The following DOCK10 variants were observed in gnomAD, a reference collection of about 807,000 sequenced individuals.
The protein encoded by DOCK10 is dedicator of cytokinesis protein 10.
DOCK10 carries 145 observed loss-of-function variants against 280.1 expected under a neutral mutation model. The ratio of observed to expected loss-of-function variants is 0.52; its 90% CI spans 0.45 to 0.59. The LOEUF (loss-of-function observed/expected upper bound fraction) is 0.59. Ranked by LOEUF, DOCK10 falls within the 20% of genes least tolerant of loss-of-function variation. The pLI, the probability that DOCK10 is intolerant of heterozygous loss-of-function variation, is 0.00. For missense variants in DOCK10, 2,368 were observed against 2,651.7 expected (o/e 0.89, Z 2.35); for synonymous variants, 915 against 942.2 (o/e 0.97, Z 0.53).
chr2:224,959,076 C>A (rs372028934), intron 1 of DOCK10, among the ~76,000 whole-genome samples: 29 of 152,336 alleles, frequency 1.9e-4, no homozygotes, highest in African/African-American at 6.5e-4. Flanking sequence ...CATTAGGGAA[C>A]ATATTTTCAG....
In DOCK10 at chr2:224,770,164, G is replaced by A; in HGVS notation, c.6444+47C>T. On this transcript the variant is annotated intron_variant, in intron 55 of 55. Transcript: ENST00000258390. The surrounding 1 kb of genome is among the most constrained non-coding windows in gnomAD (Gnocchi z 4.5). ...TGTCCTTCTGGCATTGGGAGCGAAA[G>A]GGACTTTCTGTCCACTGATAGCGCG... The A allele has an allele frequency of 6.9e-7, 1 of 1,454,994 alleles. No individual in the cohort carries two copies. The highest frequency in any genetic ancestry group is 2.1e-4 in the Middle Eastern group (1 of 4,682). 90.1% of individuals were successfully genotyped at this position (1,454,994 alleles called of 1,614,324 possible).
At chr2:224,888,764 GTGTA>G (rs910442704) in intron 4 of DOCK10, among the ~76,000 whole-genome samples, 3 of 151,654 alleles carry the variant, frequency 2.0e-5, no homozygotes, top group Non-Finnish European at 2.9e-5. Context: ...GAATATATAT[GTGTA>G]TGTATGTGTG....
chr2:224,886,894 C>G (rs537319390), intron 4 of DOCK10, among the ~76,000 whole-genome samples: 9 of 134,644 alleles, frequency 6.7e-5, no homozygotes, highest in East Asian at 2.1e-4. Flanking sequence ...CAACACCCCC[C>G]CAAGTAGTAC....
At chr2:224,785,501 G>A (rs1691670549) in intron 50 of DOCK10, among the ~76,000 whole-genome samples, 1 of 151,940 alleles carries the variant, frequency 6.6e-6, no homozygotes, top group Non-Finnish European at 1.5e-5. Context: ...TTCTTTCTTT[G>A]ATGGAGTCTC....
At chr2:224,801,387 G>A (rs1241324493) in intron 40 of DOCK10, among the ~76,000 whole-genome samples, 1 of 151,590 alleles carries the variant, frequency 6.6e-6, no homozygotes, top group Admixed American at 6.6e-5. Flanking sequence ...AGTAAGCCAT[G>A]TTATATAGGG....
intron 48 of DOCK10, among the ~76,000 whole-genome samples, chr2:224,788,434 G>C (rs1046577191): frequency 1.4e-4 from 21 of 152,008 alleles, no homozygotes; most frequent in Non-Finnish European, 3.1e-4. Flanking sequence ...TATTTACTTC[G>C]TTTATTTGCA....
intron 27 of DOCK10, among the ~76,000 whole-genome samples, chr2:224,828,210 C>A (rs56837462): frequency 0.19 from 28,466 of 152,098 alleles, 4,214 homozygotes; most frequent in African/African-American, 0.42. Flanking sequence ...AATTAGCTAT[C>A]ATGTACCACC....
chr2:224,778,674 A>G (rs1691056304), intron 50 of DOCK10, among the ~76,000 whole-genome samples: 1 of 152,224 alleles, frequency 6.6e-6, no homozygotes, highest in Non-Finnish European at 1.5e-5. Context: ...AGTCAGTATC[A>G]TTTTTAATAA....
intron 3 of DOCK10, among the ~76,000 whole-genome samples, chr2:224,912,267 C>T (rs1701060442): frequency 6.6e-6 from 1 of 151,922 alleles, no homozygotes; most frequent in Non-Finnish European, 1.5e-5. Flanking sequence ...TCCCAAATAG[C>T]TGGGATTACA....
intron 1 of DOCK10, among the ~76,000 whole-genome samples, chr2:224,974,832 T>A (rs1378968656): frequency 3.0e-5 from 4 of 132,858 alleles, no homozygotes; most frequent in South Asian, 2.3e-4. Context: ...ATATATATAT[T>A]ATATATAACA....
intron 1 of DOCK10, among the ~76,000 whole-genome samples, chr2:225,018,718 C>A (rs1375975329): frequency 8.8e-6 from 1 of 113,860 alleles, no homozygotes; most frequent in African/African-American, 3.7e-5. Flanking sequence ...TAGGCCTTTC[C>A]AAGATTTCAT....
At chr2:224,898,546 T>C (rs1195920547) in intron 3 of DOCK10, among the ~76,000 whole-genome samples, 1 of 152,242 alleles carries the variant, frequency 6.6e-6, no homozygotes, top group African/African-American at 2.4e-5. Context: ...GAGCCAATTC[T>C]GCAAAGCACG....
intron 33 of DOCK10, 178 bp downstream of exon 33, chr2:224,807,490 G>A (rs1420952131): frequency 4.0e-6 from 2 of 497,286 alleles, no homozygotes; most frequent in African/African-American, 3.9e-5. Context: ...GGATCAGGTG[G>A]AGGCTAAAGG....
Position 224,839,954 on chromosome 2 carries a change from CTGG to C in DOCK10, c.2777_2779del (p.Thr926del), listed in dbSNP as rs763467784. The C allele has an allele frequency of 6.5e-5, 93 of 1,436,060 alleles. No homozygotes were observed. In the African/African-American group the frequency reaches 1.1e-3, roughly 17 times the overall value. 89.0% of individuals were successfully genotyped at this position (1,436,060 alleles called of 1,614,324 possible). On this transcript the variant is annotated inframe_deletion and splice_region_variant, in exon 24 of 56. Transcript: ENST00000258390. ...CCTCTTAAGGTTGTGTTATGGATAC[CTGG>C]TGACAGTTGTAGTTATTTCATCTTC...
rs1033536469 is a variant in DOCK10 at position 224,864,749 on chromosome 2, A to T, written c.1480-74T>A. The T allele has an allele frequency of 1.1e-5, 17 of 1,574,144 alleles. 1 individual carries two copies. The African/African-American group carries it at 1.9e-4, about 18-fold the overall frequency. ...GACATTTACAAAATTCCATTTTTTT[A>T]AAAAAGGACAGCTTTAAGGGAATTT... On this transcript the variant is annotated intron_variant, in intron 12 of 55. Coordinates refer to ENST00000258390, the MANE Select transcript of DOCK10 (RefSeq NM_014689.3).
intron 45 of DOCK10, among the ~76,000 whole-genome samples, chr2:224,793,935 A>G (rs997256178): frequency 6.6e-6 from 1 of 152,206 alleles, no homozygotes; most frequent in Non-Finnish European, 1.5e-5. Flanking sequence ...GTGTGACACA[A>G]TGTAACACCC....
At chr2:225,008,225 C>T (rs1278603638) in intron 1 of DOCK10, among the ~76,000 whole-genome samples, 2 of 152,134 alleles carry the variant, frequency 1.3e-5, no homozygotes, top group African/African-American at 4.8e-5. Context: ...ACTCAAATTC[C>T]TGGGCTCAAC....
At chr2:224,979,624 G>A (rs1009510343) in intron 1 of DOCK10, among the ~76,000 whole-genome samples, 3 of 152,196 alleles carry the variant, frequency 2.0e-5, no homozygotes, top group Admixed American at 1.3e-4. Context: ...TCGCCTTGGC[G>A]GGTCCTTCTG....
chr2:224,765,132 C>A lies in DOCK10; in HGVS notation c.*589G>T, dbSNP rs1690021694. 6.6e-6 allele frequency: 1 copy of A among 152,592 alleles called. No homozygotes were observed. Among genetic ancestry groups the A allele is most frequent in the African/African-American group, 2.4e-5 (1 of 41,448 alleles). The allele number at this position is 152,592 out of a possible 1,614,324, so 9.5% of individuals were successfully genotyped here. ...TTTTATTTCTATGAACAATAAAATA[C>A]TTTCATAATTTCACATCCCATTGCT... On this transcript the variant is annotated 3_prime_UTR_variant, in exon 56 of 56. Coordinates refer to ENST00000258390, the MANE Select transcript of DOCK10 (RefSeq NM_014689.3).
Sources: allele counts gnomAD v4.1 joint callset (sites outside exome capture counted in the v4.1 genomes callset), GRCh38; gene constraint gnomAD v4.1.1; non-coding constraint Gnocchi (gnomAD v3.1); transcripts MANE v1.5; gene names NCBI Gene and HGNC (gene_info 2026-07-23, HGNC 2026-07-21).